Variants in KIAA1549L observed in about 807,000 individuals in gnomAD.
KIAA1549L encodes the protein KIAA1549 like.
A neutral mutation model predicts 160.7 loss-of-function variants in KIAA1549L; 88 were observed. The ratio of observed to expected loss-of-function variants is 0.55; its 90% CI spans 0.46 to 0.65. KIAA1549L has a LOEUF of 0.65. Among genes scored for constraint, KIAA1549L ranks in the 30% least tolerant of loss-of-function variants. The pLI is 0.00. For synonymous variants in KIAA1549L, 950 were observed against 976.7 expected (o/e 0.97, Z 0.51); for missense variants, 2,258 against 2,437.5 (o/e 0.93, Z 1.55).
At chr11:33,503,092 C>T (rs1006227430) in intron 1 of KIAA1549L, among the ~76,000 whole-genome samples, 4 of 152,220 alleles carry the variant, frequency 2.6e-5, no homozygotes, top group African/African-American at 9.6e-5. Flanking sequence ...ATTACTAGCT[C>T]ACCTGAAGTC....
At chr11:33,515,534 G>C (rs1197777287) in intron 1 of KIAA1549L, among the ~76,000 whole-genome samples, 2 of 152,222 alleles carry the variant, frequency 1.3e-5, no homozygotes, top group Non-Finnish European at 2.9e-5. Context: ...CTCAGCCATG[G>C]GGGAGATGAC....
intron 15 of KIAA1549L, 82 bp from the exon 16 acceptor site, chr11:33,618,451 G>T (rs751068246): frequency 1.5e-4 from 198 of 1,294,018 alleles, no homozygotes; most frequent in Middle Eastern, 1.9e-4. Flanking sequence ...ACCCTTCATT[G>T]GTTGCCTGTA....
At chr11:33,394,239 A>C (rs1161311822) in intron 1 of KIAA1549L, among the ~76,000 whole-genome samples, 1 of 152,036 alleles carries the variant, frequency 6.6e-6, no homozygotes, top group Non-Finnish European at 1.5e-5. Flanking sequence ...AACAAAAATT[A>C]GCTTGGTGTG....
chr11:33,646,906 A>G (rs1371681850), intron 17 of KIAA1549L, among the ~76,000 whole-genome samples: 1 of 151,988 alleles, frequency 6.6e-6, no homozygotes, highest in Non-Finnish European at 1.5e-5. Context: ...TTATTTTTAG[A>G]GACCAAAAAA....
chr11:33,394,418 TAAAC>T (rs1554973190), intron 1 of KIAA1549L, among the ~76,000 whole-genome samples: 27 of 24,288 alleles, frequency 1.1e-3, no homozygotes, highest in Non-Finnish European at 1.8e-3. Flanking sequence ...AATAAATAAA[TAAAC>T]AAACAATAAA....
intron 1 of KIAA1549L, among the ~76,000 whole-genome samples, chr11:33,446,394 G>A (rs928877754): frequency 4.6e-5 from 7 of 151,904 alleles, no homozygotes; most frequent in African/African-American, 1.2e-4. Flanking sequence ...TGTGCTCGGC[G>A]TTTTTTGTTT....
At chr11:33,403,266 GACACAC>G (rs1346777753) in intron 1 of KIAA1549L, 52 of 4,326 alleles carry the variant, frequency 0.012, no homozygotes, top group Middle Eastern at 0.045. Flanking sequence ...CACAGACACA[GACACAC>G]ACAGACACAG....
intron 1 of KIAA1549L, among the ~76,000 whole-genome samples, chr11:33,431,030 T>A (rs1415241810): frequency 6.6e-6 from 1 of 151,994 alleles, no homozygotes; most frequent in Admixed American, 6.6e-5. Flanking sequence ...TTCTGGTGAG[T>A]TCGTGGTCTC....
intron 1 of KIAA1549L, among the ~76,000 whole-genome samples, chr11:33,513,731 C>T (rs986051435): frequency 8.5e-5 from 13 of 152,296 alleles, no homozygotes; most frequent in African/African-American, 3.1e-4. Flanking sequence ...TTGGCTTCTC[C>T]TGGGGCAGAC....
At chr11:33,497,499 TA>T (rs531975899) in intron 1 of KIAA1549L, among the ~76,000 whole-genome samples, 2 of 152,054 alleles carry the variant, frequency 1.3e-5, no homozygotes, top group Admixed American at 6.5e-5. Flanking sequence ...CCCAAAATAA[TA>T]AAAAAAGAAT....
intron 1 of KIAA1549L, among the ~76,000 whole-genome samples, chr11:33,508,403 C>T (rs1853143940): frequency 6.6e-6 from 1 of 152,168 alleles, no homozygotes; most frequent in Non-Finnish European, 1.5e-5. Context: ...GGACTGTTAG[C>T]CTTAATGGGA....
chr11:33,590,802 C>T (rs532377167), intron 11 of KIAA1549L, among the ~76,000 whole-genome samples: 1 of 150,992 alleles, frequency 6.6e-6, no homozygotes, highest in South Asian at 2.1e-4. Context: ...GGCAAAGTCA[C>T]ACATGTGCTA....
chr11:33,477,531 A>T (rs766602797), intron 1 of KIAA1549L, among the ~76,000 whole-genome samples: 1 of 151,770 alleles, frequency 6.6e-6, no homozygotes, highest in Non-Finnish European at 1.5e-5. Context: ...ACACACACAC[A>T]CACACACACA....
intron 20 of KIAA1549L, among the ~76,000 whole-genome samples, chr11:33,661,900 A>G (rs978836533): frequency 3.8e-5 from 5 of 129,966 alleles, no homozygotes; most frequent in Admixed American, 3.3e-4. Context: ...AAAAAAAAAA[A>G]AAAAAAGAAA....
chr11:33,663,379 G>A (rs1356201654), intron 20 of KIAA1549L, among the ~76,000 whole-genome samples: 1 of 152,178 alleles, frequency 6.6e-6, no homozygotes, highest in Non-Finnish European at 1.5e-5. Context: ...GTATTTGCCA[G>A]CCCTGAATTT....
Position 33,668,055 on chromosome 11 carries a change from C to T in KIAA1549L, c.6342C>T (p.Pro2114=), listed in dbSNP as rs753595207. Residue 2114 remains proline (P), a synonymous_variant, in exon 21 of 21, where the codon CCC becomes CCT. Transcript: ENST00000658780. ...CAGAAAACGACCCGTCTGACGCTCC[C>T]CTGACCAACATCTCCACTGCGGCCC... ...SLAENDPSDA[P]LTNISTAALV... 41 of 1,613,938 alleles carry T rather than the reference C, an allele frequency of 2.5e-5. No homozygotes were observed. The highest frequency in any genetic ancestry group is 3.2e-5 in the Non-Finnish European group (38 of 1,179,916).
At chr11:33,468,096 T>G (rs1305345464) in intron 1 of KIAA1549L, among the ~76,000 whole-genome samples, 1 of 152,248 alleles carries the variant, frequency 6.6e-6, no homozygotes, top group Non-Finnish European at 1.5e-5. Flanking sequence ...TTTTAATCAT[T>G]TTTTAAGTGC....
At position 33,405,510 on chromosome 11, in the gene KIAA1549L, CTTT is replaced by C. The variant is rs60127936; in HGVS notation, c.238+28636_238+28638del. ...ATGTCTTTTATGTTATTTCCCTACA[CTTT>C]TTTTTTTTTTTTTTAACATAATACA... On this transcript the variant is annotated intron_variant, in intron 1 of 20. Transcript: ENST00000658780. Among the ~76,000 whole-genome samples the C allele has an allele frequency of 5.1e-4, 71 of 138,646 alleles. 1 individual carries two copies. The highest frequency in any genetic ancestry group is 2.1e-3 in the South Asian group (9 of 4,384). The allele number at this position is 138,646 out of a possible 152,430, so 91.0% of individuals were successfully genotyped here. A position where few individuals can be genotyped will look rare whatever the true frequency, so the allele number is the denominator to read the frequency against.
At position 33,619,929 on chromosome 11, in the gene KIAA1549L, T is replaced by C. The variant is rs185251892; in HGVS notation, c.5409+1267T>C. The stretch of plus-strand genomic sequence containing the variant: ...AATCTTTCCCCACCAACAGTGAACC[T>C]TCTTCCTCGATGCTTATTTAGTTTG... On this transcript the variant is annotated intron_variant, in intron 16 of 20. Coordinates refer to ENST00000658780, the MANE Select transcript of KIAA1549L (RefSeq NM_012194.3). Among the ~76,000 whole-genome samples, 243 of 152,358 alleles carry C rather than the reference T, an allele frequency of 1.6e-3. 1 individual carries two copies. The highest frequency in any genetic ancestry group is 2.8e-3 in the Non-Finnish European group (188 of 68,038).
Sources: gnomAD v4.1 joint callset for allele counts (sites outside exome capture counted in the v4.1 genomes callset) on GRCh38, gnomAD v4.1.1 for gene constraint, MANE v1.5 for transcripts, NCBI Gene and HGNC (gene_info 2026-07-23, HGNC 2026-07-21) for gene names.